FHOD3: variants seen among roughly 807,000 people sequenced by gnomAD.
FHOD3 encodes the protein formin homology 2 domain containing 3, also known as FH1/FH2 domain-containing protein 3.
A neutral mutation model predicts 173.0 loss-of-function variants in FHOD3; 90 were observed. That is an observed-to-expected ratio of 0.52 (90% CI 0.44 to 0.62). FHOD3 has a LOEUF of 0.62. FHOD3 is among the 20% of genes least tolerant of loss of function. The probability of loss-of-function intolerance (pLI) is 0.00; values close to 1 mark genes in which losing one functional copy is unlikely to be tolerated. For synonymous variants in FHOD3, 828 were observed against 823.0 expected (o/e 1.01, Z -0.10); for missense variants, 1,945 against 2,034.7 (o/e 0.96, Z 0.85).
intron 1 of FHOD3, among the ~76,000 whole-genome samples, chr18:36,328,268 A>G (rs556175553): frequency 6.6e-6 from 1 of 152,258 alleles, no homozygotes; most frequent in African/African-American, 2.4e-5. Flanking sequence ...CATGTGGGGT[A>G]TCCCAGGAAG....
At chr18:36,371,107 A>T (rs1242688149) in intron 2 of FHOD3, among the ~76,000 whole-genome samples, 2 of 152,222 alleles carry the variant, frequency 1.3e-5, no homozygotes, top group Admixed American at 6.5e-5. Context: ...TCCATATAAA[A>T]AATGTAAAAC....
At chr18:36,568,758 A>G (rs960446210) in intron 5 of FHOD3, among the ~76,000 whole-genome samples, 1 of 152,196 alleles carries the variant, frequency 6.6e-6, no homozygotes, top group African/African-American at 2.4e-5. Context: ...GTAATATTTA[A>G]ACAAAACCCA....
intron 10 of FHOD3, among the ~76,000 whole-genome samples, chr18:36,630,382 A>G (rs1245750035): frequency 1.3e-5 from 2 of 151,780 alleles, no homozygotes; most frequent in African/African-American, 4.8e-5. Context: ...CTTTTTTTTG[A>G]TTTTAAGTCC....
At chr18:36,647,115 G>A (rs2035741318) in intron 10 of FHOD3, among the ~76,000 whole-genome samples, 1 of 152,136 alleles carries the variant, frequency 6.6e-6, no homozygotes, top group African/African-American at 2.4e-5. Flanking sequence ...GGTGGTGGGT[G>A]CCTGTAATCC....
intron 5 of FHOD3, among the ~76,000 whole-genome samples, chr18:36,547,098 C>T (rs377165795): frequency 2.6e-5 from 4 of 152,186 alleles, no homozygotes; most frequent in African/African-American, 9.6e-5. Flanking sequence ...TGTGTCCTGC[C>T]GCCTTCAGGG....
chr18:36,298,680 C>G (rs1283609007), intron 1 of FHOD3, among the ~76,000 whole-genome samples: 1 of 151,728 alleles, frequency 6.6e-6, no homozygotes, highest in Non-Finnish European at 1.5e-5. Flanking sequence ...AGGGGCGGCG[C>G]GCTCACAAAG....
At chr18:36,644,806 G>A (rs2035568690) in intron 10 of FHOD3, among the ~76,000 whole-genome samples, 1 of 152,218 alleles carries the variant, frequency 6.6e-6, no homozygotes, top group South Asian at 2.1e-4. Context: ...GGGGTCCAAG[G>A]TCACAGGGCT....
At chr18:36,638,437 A>C (rs549149872) in intron 10 of FHOD3, among the ~76,000 whole-genome samples, 7 of 152,320 alleles carry the variant, frequency 4.6e-5, no homozygotes, top group African/African-American at 1.4e-4. Context: ...CACAGCACAG[A>C]GTCCGGTTAT....
intron 28 of FHOD3, among the ~76,000 whole-genome samples, chr18:36,777,424 C>T (rs2043755469): frequency 2.6e-5 from 4 of 151,990 alleles, no homozygotes; most frequent in South Asian, 4.2e-4. Flanking sequence ...AGCTGCTGAC[C>T]TCAAGTGATC....
Position 36,718,057 on chromosome 18 carries a change from A to T in FHOD3, c.2759A>T (p.Asp920Val), listed in dbSNP as rs1374725771. The T allele has an allele frequency of 1.2e-6, 2 of 1,600,796 alleles. No individual in the cohort carries two copies. Among genetic ancestry groups the T allele is most frequent in the Admixed American group, 1.7e-5 (1 of 59,120 alleles). Residue 920 changes from aspartate to valine, a missense_variant, in exon 19 of 29, where the codon GAT (aspartate) becomes GTT (valine). Transcript: ENST00000590592. ...CTGCAGGCCAACTCTCAGACCCAGG[A>T]TGAGAGTGTCAGGAGGGTGGATGTC... ...STLQANSQTQ[D>V]ESVRRVDVGC... is the part of the protein sequence containing the mutation.
At chr18:36,531,727 C>T (rs1238875354) in intron 5 of FHOD3, among the ~76,000 whole-genome samples, 1 of 152,210 alleles carries the variant, frequency 6.6e-6, no homozygotes, top group Non-Finnish European at 1.5e-5. Flanking sequence ...AAACTGTCTC[C>T]AAAGTGGAAC....
chr18:36,513,142 T>G (rs1184682953), intron 5 of FHOD3, among the ~76,000 whole-genome samples: 2 of 151,574 alleles, frequency 1.3e-5, no homozygotes, highest in African/African-American at 4.8e-5. Context: ...TAGTCATAGG[T>G]TTTTTTGTGC....
chr18:36,713,340 A>T (rs952220595), intron 18 of FHOD3, among the ~76,000 whole-genome samples: 1 of 152,248 alleles, frequency 6.6e-6, no homozygotes, highest in African/African-American at 2.4e-5. Context: ...TAGGGAAGCT[A>T]ACGGTATCAA....
At chr18:36,367,386 G>A (rs113775604) in intron 2 of FHOD3, among the ~76,000 whole-genome samples, 3 of 152,280 alleles carry the variant, frequency 2.0e-5, no homozygotes, top group African/African-American at 7.2e-5. Flanking sequence ...AGCTGGTGAT[G>A]TGTCCCTGGC....
chr18:36,491,841 C>T (rs985893775), intron 3 of FHOD3, among the ~76,000 whole-genome samples: 1 of 152,166 alleles, frequency 6.6e-6, no homozygotes, highest in African/African-American at 2.4e-5. Context: ...ATAAACACTC[C>T]ATTGTATGGA....
chr18:36,697,158 T>C (rs2039331795), intron 17 of FHOD3, among the ~76,000 whole-genome samples: 1 of 152,254 alleles, frequency 6.6e-6, no homozygotes, highest in South Asian at 2.1e-4. Flanking sequence ...GATAACCTCT[T>C]ATCACAATTT....
chr18:36,407,650 C>T (rs761726954), intron 3 of FHOD3, among the ~76,000 whole-genome samples: 4 of 152,078 alleles, frequency 2.6e-5, no homozygotes, highest in Admixed American at 6.5e-5. Flanking sequence ...ACACATTTTC[C>T]TATATGTTAG....
chr18:36,732,745 T>G (rs909317745), intron 20 of FHOD3, among the ~76,000 whole-genome samples: 2 of 152,146 alleles, frequency 1.3e-5, no homozygotes, highest in South Asian at 4.1e-4. Flanking sequence ...AGGCCAGGCC[T>G]CAGTGTGATG....
At chr18:36,687,720 T>TA (rs2038715441) in intron 16 of FHOD3, among the ~76,000 whole-genome samples, 2 of 152,216 alleles carry the variant, frequency 1.3e-5, no homozygotes, top group Admixed American at 6.5e-5. Flanking sequence ...TAGTTGGGAC[T>TA]TAGGAATAAT....
Sources: gnomAD v4.1 joint callset for allele counts (sites outside exome capture counted in the v4.1 genomes callset) on GRCh38, gnomAD v4.1.1 for gene constraint, MANE v1.5 for transcripts, NCBI Gene and HGNC (gene_info 2026-07-23, HGNC 2026-07-21) for gene names.